The following ZBTB20 variants were observed in gnomAD, a reference collection of about 807,000 sequenced individuals.
The protein encoded by ZBTB20 is zinc finger and BTB domain-containing protein 20.
Under a neutral mutation model 56.9 loss-of-function variants are expected in ZBTB20, and 9 were observed. That is an observed-to-expected ratio of 0.16 (90% CI 0.10 to 0.28). ZBTB20 has a LOEUF of 0.28. Among genes scored for constraint, ZBTB20 ranks in the 10% least tolerant of loss-of-function variants. The probability of loss-of-function intolerance (pLI) is 1.00; values close to 1 mark genes in which losing one functional copy is unlikely to be tolerated. For synonymous variants in ZBTB20, 417 were observed against 420.7 expected (o/e 0.99, Z 0.11); for missense variants, 655 against 1,003.0 (o/e 0.65, Z 4.69).
chr3:114,743,963 A>C (rs2066831333), intron 5 of ZBTB20, among the ~76,000 whole-genome samples: 1 of 151,290 alleles, frequency 6.6e-6, no homozygotes, highest in Non-Finnish European at 1.5e-5. Context: ...AGTCAACCAG[A>C]GGTTATGCAA....
chr3:114,712,056 G>A (rs1283272929), intron 5 of ZBTB20, among the ~76,000 whole-genome samples: 7 of 152,162 alleles, frequency 4.6e-5, no homozygotes, highest in Non-Finnish European at 1.0e-4. Context: ...GAAGTTAGAA[G>A]TCCTGGCAGC....
intron 2 of ZBTB20, among the ~76,000 whole-genome samples, chr3:115,039,216 A>G (rs1243081203): frequency 1.3e-5 from 2 of 152,094 alleles, no homozygotes; most frequent in African/African-American, 2.4e-5. Context: ...CCAGAAGCAC[A>G]ATAATATCCT....
chr3:114,949,754 A>G (rs367625423), intron 3 of ZBTB20, among the ~76,000 whole-genome samples: 3,148 of 137,180 alleles, frequency 0.023, 358 homozygotes, highest in African/African-American at 0.096. Flanking sequence ...GCGACAGAGT[A>G]AGACTCTGTC....
intron 7 of ZBTB20, among the ~76,000 whole-genome samples, chr3:114,499,382 A>C (rs1014017510): frequency 6.6e-6 from 1 of 152,198 alleles, no homozygotes; most frequent in African/African-American, 2.4e-5. Context: ...GGCACGCATA[A>C]ACAAAATAGC....
At chr3:114,659,062 T>C (rs1009838262) in intron 6 of ZBTB20, among the ~76,000 whole-genome samples, 13 of 152,212 alleles carry the variant, frequency 8.5e-5, no homozygotes, top group Non-Finnish European at 1.5e-4. Flanking sequence ...TGTATGCATA[T>C]ATTCCAATAT....
At chr3:114,687,197 C>T (rs1263401725) in intron 6 of ZBTB20, 2 of 150,592 alleles carry the variant, frequency 1.3e-5, no homozygotes, top group African/African-American at 4.9e-5. Flanking sequence ...AGATGATTTC[C>T]AGCTGAAATG....
intron 5 of ZBTB20, among the ~76,000 whole-genome samples, chr3:114,761,282 A>T (rs1560219065): frequency 6.6e-6 from 1 of 152,170 alleles, no homozygotes; most frequent in Non-Finnish European, 1.5e-5. Context: ...GTTAACATTC[A>T]TTGAGTGCTG....
intron 6 of ZBTB20, among the ~76,000 whole-genome samples, chr3:114,687,069 T>A (rs776943874): frequency 2.8e-4 from 42 of 152,110 alleles, no homozygotes; most frequent in Non-Finnish European, 5.4e-4. Context: ...ACAGCATGGG[T>A]CTTTTTGTTA....
At chr3:114,771,749 C>T (rs2069220269) in intron 5 of ZBTB20, among the ~76,000 whole-genome samples, 1 of 152,194 alleles carries the variant, frequency 6.6e-6, no homozygotes, top group Non-Finnish European at 1.5e-5. Context: ...TCTTCCTTAT[C>T]CCCTCTTTGT....
chr3:114,497,638 CTACGTCTTGTATA>C (rs2043436045), intron 7 of ZBTB20, among the ~76,000 whole-genome samples: 1 of 152,190 alleles, frequency 6.6e-6, no homozygotes, highest in African/African-American at 2.4e-5. Context: ...ATTCCTCTTA[CTACGTCTTGTATA>C]TACCTGCATT....
intron 2 of ZBTB20, among the ~76,000 whole-genome samples, chr3:114,987,685 A>T (rs2078606367): frequency 6.6e-6 from 1 of 152,148 alleles, no homozygotes; most frequent in Non-Finnish European, 1.5e-5. Flanking sequence ...TTTCAAACAC[A>T]GTCAAGCTGA....
intron 7 of ZBTB20, among the ~76,000 whole-genome samples, chr3:114,396,930 C>T (rs746646776): frequency 1.3e-5 from 2 of 152,106 alleles, no homozygotes; most frequent in Non-Finnish European, 2.9e-5. Context: ...CATTTGACAT[C>T]AGATGTTCCA....
chr3:114,400,082 A>T lies in ZBTB20; in HGVS notation c.-254-10977T>A, dbSNP rs541558047. On this transcript the variant is annotated intron_variant, in intron 7 of 11. Coordinates refer to ENST00000675478, the MANE Select transcript of ZBTB20 (RefSeq NM_001348800.3). ...AGAAAATGCTTTTTTTCCCCAAAAA[A>T]TGCCATGGTTGTCAACAAGCTTTGT... 1.5e-4 allele frequency among the ~76,000 whole-genome samples: 23 copies of T among 152,256 alleles called. No individual in the cohort carries two copies. The East Asian group carries it at 4.4e-3, about 29-fold the overall frequency.
intron 1 of ZBTB20, among the ~76,000 whole-genome samples, chr3:115,097,756 T>A (rs2083433904): frequency 6.6e-6 from 1 of 152,156 alleles, no homozygotes; most frequent in Admixed American, 6.5e-5. Context: ...GATTAATGAA[T>A]TTTTCTGGCA....
At position 114,542,132 on chromosome 3, in the gene ZBTB20, C is replaced by T. The variant is rs76409059; in HGVS notation, c.-294-41741G>A. Among the ~76,000 whole-genome samples, 384 of 151,942 alleles carry T rather than the reference C, an allele frequency of 2.5e-3. 4 individuals are homozygous for T. The East Asian group carries it at 0.03, about 12-fold the overall frequency. On this transcript the variant is annotated intron_variant, in intron 6 of 11. Transcript: ENST00000675478. The stretch of plus-strand genomic sequence containing the variant: ...ATTAAGTTAGGTATTTGTTTATAGC[C>T]TACTATGGAATGCCCAGATAACATT...
chr3:115,037,891 CT>C (rs976801064), intron 2 of ZBTB20, among the ~76,000 whole-genome samples: 3 of 152,032 alleles, frequency 2.0e-5, no homozygotes, highest in African/African-American at 7.2e-5. Context: ...AATAAATATG[CT>C]AGAAAACATT....
At chr3:114,870,895 C>T (rs1359347239) in intron 4 of ZBTB20, among the ~76,000 whole-genome samples, 1 of 152,024 alleles carries the variant, frequency 6.6e-6, no homozygotes, top group Non-Finnish European at 1.5e-5. Context: ...TTTCCTGTCT[C>T]TAGCCCCTTC....
At chr3:114,729,154 T>C (rs540913306) in intron 5 of ZBTB20, among the ~76,000 whole-genome samples, 4 of 152,276 alleles carry the variant, frequency 2.6e-5, no homozygotes, top group African/African-American at 9.6e-5. Flanking sequence ...GTCACCAAAA[T>C]AGACAACACA....
At chr3:114,801,305 C>CTTTTTTTTTT (rs1271102943) in intron 4 of ZBTB20, 131 bp from the exon 5 acceptor site, 3 of 55,334 alleles carry the variant, frequency 5.4e-5, no homozygotes, top group East Asian at 4.7e-4. Flanking sequence ...TTCTTTTTTT[C>CTTTTTTTTTT]TTTTTTTTTT....
Sources: allele counts gnomAD v4.1 joint callset (sites outside exome capture counted in the v4.1 genomes callset), GRCh38; gene constraint gnomAD v4.1.1; transcripts MANE v1.5; gene names NCBI Gene and HGNC (gene_info 2026-07-23, HGNC 2026-07-21).